The following CAPN2 variants were observed in gnomAD, a reference collection of about 807,000 sequenced individuals.
CAPN2 encodes calpain 2, also known as calpain-2 catalytic subunit.
CAPN2 carries 92 observed loss-of-function variants against 102.3 expected under a neutral mutation model. That is an observed-to-expected ratio of 0.90 (90% CI 0.76 to 1.07). CAPN2 has a LOEUF of 1.07. Among genes scored for constraint, CAPN2 ranks in the 50% least tolerant of loss-of-function variants. CAPN2 has a pLI of 0.00. For synonymous variants in CAPN2, 340 were observed against 355.4 expected, an observed-to-expected ratio of 0.96 and a Z score of 0.49; for missense variants, 800 against 909.4, an observed-to-expected ratio of 0.88 and a Z score of 1.55.
At chr1:223,713,182 A>T (rs2102771300) in intron 1 of CAPN2, among the ~76,000 whole-genome samples, 1 of 152,148 alleles carries the variant, frequency 6.6e-6, no homozygotes, top group East Asian at 1.9e-4. Context: ...ACTCAGGGTG[A>T]TGCAGGAGGC....
At chr1:223,702,151 C>A (rs1007068452) in intron 1 of CAPN2, among the ~76,000 whole-genome samples, 1 of 98,406 alleles carries the variant, frequency 1.0e-5, no homozygotes, top group African/African-American at 4.7e-5. Flanking sequence ...GGAGGCTGGG[C>A]GCCGTGGCTC....
At chr1:223,773,623 G>A (rs1363239211) in intron 20 of CAPN2, among the ~76,000 whole-genome samples, 1 of 152,106 alleles carries the variant, frequency 6.6e-6, no homozygotes, top group Non-Finnish European at 1.5e-5. Flanking sequence ...GAACCCGGGA[G>A]GCGGAGGTTG....
intron 2 of CAPN2, among the ~76,000 whole-genome samples, chr1:223,739,884 C>G (rs1660569758): frequency 6.6e-6 from 1 of 152,208 alleles, no homozygotes; most frequent in Admixed American, 6.5e-5. Flanking sequence ...AACTCTTCGT[C>G]TCACCCTTCT....
rs915730254 is a variant in CAPN2 at position 223,755,812 on chromosome 1, C to T, written c.1305+163C>T. Among the ~76,000 whole-genome samples the T allele has an allele frequency of 6.6e-6, 1 of 152,206 alleles. No homozygotes were observed. The highest frequency in any genetic ancestry group is 1.9e-4 in the East Asian group (1 of 5,194). On this transcript the variant is annotated intron_variant, in intron 10 of 20. Transcript: ENST00000295006. This position sits in a 1 kb window ranked among gnomAD's most constrained non-coding sequence, Gnocchi z 4.1. ...CCTGGCCAGGCTCAGGAGTAGCCCC[C>T]GTAGGGAGGCCCCTGCAGTGGCTCT...
rs200558564 is a variant in CAPN2 at position 223,717,790 on chromosome 1, T to C, written c.266T>C (p.Ile89Thr). The change falls in exon 2 of 21, where the codon ATT (isoleucine) becomes ACT (threonine). Residue 89 changes from isoleucine to threonine, a missense_variant. Ile to Thr is a moderately conservative substitution (Grantham distance 89, BLOSUM62 -1). Transcript: ENST00000295006. The part of the protein sequence containing the change: ...TEICADPQFI[I>T]GGATRTDICQ... The stretch of plus-strand genomic sequence containing the variant: ...ATCTGCGCTGACCCCCAGTTTATCA[T>C]TGGAGGAGCCACCCGCACAGACATC... 218 of 1,614,052 alleles carry C rather than the reference T, an allele frequency of 1.4e-4. No individual in the cohort carries two copies. Among genetic ancestry groups the C allele is most frequent in the East Asian group, 8.0e-4 (36 of 44,868 alleles).
intron 1 of CAPN2, among the ~76,000 whole-genome samples, chr1:223,713,679 G>A (rs1376259334): frequency 2.0e-5 from 3 of 152,268 alleles, no homozygotes; most frequent in Non-Finnish European, 2.9e-5. Context: ...AGGAAAGCCT[G>A]CCCTGAAGTC....
At chr1:223,712,496 CG>C (rs1301068818), upstream of CAPN2, 13 of 1,193,870 alleles carry the variant, frequency 1.1e-5, no homozygotes, top group Non-Finnish European at 1.2e-5. Flanking sequence ...CGGGCCGGGC[CG>C]CTTCCCTCCG....
intron 2 of CAPN2, among the ~76,000 whole-genome samples, chr1:223,737,736 C>A (rs1166310073): frequency 1.7e-4 from 18 of 105,666 alleles, no homozygotes; most frequent in South Asian, 3.1e-4. Context: ...AATACAATAA[C>A]ACCATGTACT....
chr1:223,738,093 AT>A (rs1426279179), intron 2 of CAPN2, among the ~76,000 whole-genome samples: 2 of 152,172 alleles, frequency 1.3e-5, no homozygotes, highest in Non-Finnish European at 2.9e-5. Context: ...TATGCTTCAT[AT>A]TTAATTTTTA....
chr1:223,764,074 T>G, intron 14 of CAPN2, 76 bp from the exon 15 acceptor site: 1 of 1,138,310 alleles, frequency 8.8e-7, no homozygotes, highest in Non-Finnish European at 1.3e-6. Context: ...GCCTACCTAA[T>G]GCACTGGTGT....
rs1463205870 is a variant in CAPN2 at position 223,736,021 on chromosome 1, G to T, written c.308-8079G>T. Among the ~76,000 whole-genome samples, 6 of 152,086 alleles carry T rather than the reference G, an allele frequency of 3.9e-5. No individual in the cohort carries two copies. The East Asian group carries it at 1.2e-3, about 29-fold the overall frequency. Reference sequence around the variant, plus strand: ...TCTTGAACTCCTGATCTCGTGATCTGCCCACCTTGGTCTCCCAAAGTGCTG... The same window carrying T: ...TCTTGAACTCCTGATCTCGTGATCTTCCCACCTTGGTCTCCCAAAGTGCTG... On this transcript the variant is annotated intron_variant, in intron 2 of 20. Transcript: ENST00000295006.
chr1:223,718,551 G>A (rs192899553), intron 2 of CAPN2, among the ~76,000 whole-genome samples: 13 of 152,358 alleles, frequency 8.5e-5, no homozygotes, highest in African/African-American at 3.1e-4. Flanking sequence ...GCCTGGCGCT[G>A]TTATCTAAGA....
Position 223,750,880 on chromosome 1 carries a change from A to G in CAPN2, c.814-10A>G. The G allele has an allele frequency of 6.4e-7, 1 of 1,551,172 alleles. No individual in the cohort carries two copies. Among genetic ancestry groups the G allele is most frequent in the East Asian group, 2.4e-5 (1 of 40,928 alleles). On this transcript the variant is annotated splice_polypyrimidine_tract_variant and intron_variant, in intron 6 of 20. Transcript: ENST00000295006. ...AACCTCTTACTCCTCCCTTTTATCTAATCCTGCAGGTTGAAAGTAACGGAA... is the reference window on the plus strand; with the variant it reads ...AACCTCTTACTCCTCCCTTTTATCTGATCCTGCAGGTTGAAAGTAACGGAA...
At chr1:223,712,991 C>T in intron 1 of CAPN2, 114 bp downstream of exon 1, 2 of 719,840 alleles carry the variant, frequency 2.8e-6, no homozygotes, top group Non-Finnish European at 3.9e-6. Context: ...GTGGGGAAGC[C>T]GCAAGCCAGG....
chr1:223,767,301 C>T (rs954398376), intron 16 of CAPN2, among the ~76,000 whole-genome samples: 6 of 151,758 alleles, frequency 4.0e-5, no homozygotes, highest in African/African-American at 1.5e-4. Context: ...AACTCGTCAT[C>T]TAGCATTAGG....
At chr1:223,769,545 T>C (rs1039815281) in intron 16 of CAPN2, among the ~76,000 whole-genome samples, 4 of 152,034 alleles carry the variant, frequency 2.6e-5, no homozygotes, top group African/African-American at 7.2e-5. Context: ...CTAGAAGCCA[T>C]CCAAAGCCCT....
intron 16 of CAPN2, among the ~76,000 whole-genome samples, chr1:223,768,544 CTA>C (rs1341346412): frequency 6.6e-6 from 1 of 152,144 alleles, no homozygotes; most frequent in Non-Finnish European, 1.5e-5. Context: ...TTCCATTGAT[CTA>C]TATCTGTTTT....
At chr1:223,770,282 CA>C (rs1290754354) in intron 17 of CAPN2, 164 bp from the exon 18 acceptor site, 1 of 612,438 alleles carries the variant, frequency 1.6e-6, no homozygotes, top group Non-Finnish European at 3.0e-6. Flanking sequence ...CAGACAGAAG[CA>C]AAATACTATT....
At chr1:223,708,777 CG>C (rs1461978220), upstream of CAPN2, among the ~76,000 whole-genome samples, 4 of 111,226 alleles carry the variant, frequency 3.6e-5, no homozygotes, top group Non-Finnish European at 7.1e-5. Flanking sequence ...AAAGAAAGAG[CG>C]AAAGAGAGAG....
Sources: allele counts gnomAD v4.1 joint callset (sites outside exome capture counted in the v4.1 genomes callset), GRCh38; gene constraint gnomAD v4.1.1; non-coding constraint Gnocchi (gnomAD v3.1); transcripts MANE v1.5; gene names NCBI Gene and HGNC (gene_info 2026-07-23, HGNC 2026-07-21).